Variants in EPHB2 observed in about 807,000 individuals in gnomAD.
EPHB2 encodes ephrin type-B receptor 2.
EPHB2 carries 18 observed loss-of-function variants against 96.4 expected under a neutral mutation model. The observed-to-expected ratio is 0.19, with a 90% CI of 0.13 to 0.28. The LOEUF (loss-of-function observed/expected upper bound fraction) is 0.28, where lower values mean the gene tolerates loss of function less well. Ranked by LOEUF, EPHB2 falls within the 10% of genes least tolerant of loss-of-function variation. The pLI, the probability that EPHB2 is intolerant of heterozygous loss-of-function variation, is 1.00. For synonymous variants in EPHB2, 506 were observed against 534.1 expected, an observed-to-expected ratio of 0.95 and a Z score of 0.72; for missense variants, 989 against 1,355.4, an observed-to-expected ratio of 0.73 and a Z score of 4.25.
intron 3 of EPHB2, among the ~76,000 whole-genome samples, chr1:22,810,032 G>A (rs1644980910): frequency 6.6e-6 from 1 of 152,182 alleles, no homozygotes; most frequent in African/African-American, 2.4e-5. Context: ...TGGGTCAAAG[G>A]GCATTCCAGG....
At chr1:22,892,804 A>C (rs1639430385) in intron 6 of EPHB2, 80 bp from the exon 7 acceptor site, 1 of 1,565,522 alleles carries the variant, frequency 6.4e-7, no homozygotes, top group African/African-American at 1.4e-5. Context: ...ACCTGCCCCC[A>C]ATGTGGCAGG....
chr1:22,854,235 G>A (rs1466296943), intron 3 of EPHB2, among the ~76,000 whole-genome samples: 2 of 152,202 alleles, frequency 1.3e-5, no homozygotes, highest in Admixed American at 1.3e-4. Flanking sequence ...CTAAGGCTGG[G>A]CATAGTGGCT....
chr1:22,834,728 C>T (rs1326494012), intron 3 of EPHB2, among the ~76,000 whole-genome samples: 1 of 151,770 alleles, frequency 6.6e-6, no homozygotes, highest in Non-Finnish European at 1.5e-5. Context: ...AGTTTGAGAC[C>T]AGCCTGGCCA....
chr1:22,913,511 C>G lies in EPHB2; in HGVS notation c.2902C>G (p.Leu968Val). Reference sequence around the variant, plus strand: ...TTTGGCTGGCCACCAGAAAAAAATCCTGAACAGTATCCAGGTGATGCGGGC... The same window carrying G: ...TTTGGCTGGCCACCAGAAAAAAATCGTGAACAGTATCCAGGTGATGCGGGC... ...VTLAGHQKKI[L>V]NSIQVMRAQM... Residue 968 changes from leucine to valine, a missense_variant, in exon 16 of 16, where the codon CTG (leucine) becomes GTG (valine). Physicochemically the swap from Leu to Val is conservative, Grantham distance 32. Coordinates refer to ENST00000374630, the MANE Select transcript of EPHB2 (RefSeq NM_017449.5). This position sits in a 1 kb window ranked among gnomAD's most constrained non-coding sequence, Gnocchi z 4.1. 2.5e-6 allele frequency: 4 copies of G among 1,614,226 alleles called. No homozygotes were observed. Among genetic ancestry groups the G allele is most frequent in the Non-Finnish European group, 3.4e-6 (4 of 1,180,042 alleles).
At chr1:22,732,506 A>G (rs889999637) in intron 1 of EPHB2, among the ~76,000 whole-genome samples, 2 of 152,234 alleles carry the variant, frequency 1.3e-5, no homozygotes, top group African/African-American at 4.8e-5. Flanking sequence ...CCATTTCCAT[A>G]TGACCTCATT....
rs71020453 is a variant in EPHB2, at chr1:22,819,205, G to GTCTCTCTCTCTCTCTCTCTCTCTC, written c.811+34151_811+34174dup. ...TCCACAGCCTGGTCGCCCAGCAGATGTCTCTCTCTCTCTCTCTCTCTCTCT... is the reference window on the plus strand; with the variant it reads ...TCCACAGCCTGGTCGCCCAGCAGATGTCTCTCTCTCTCTCTCTCTCTCTCTCTCTCTCTCTCTCTCTCTCTCTCT... On this transcript the variant is annotated intron_variant, in intron 3 of 15. Transcript: ENST00000374630. 9.7e-5 allele frequency among the ~76,000 whole-genome samples: 10 copies of GTCTCTCTCTCTCTCTCTCTCTCTC among 103,468 alleles called. 1 individual carries two copies. Among genetic ancestry groups the GTCTCTCTCTCTCTCTCTCTCTCTC allele is most frequent in the East Asian group, 3.3e-4 (1 of 2,992 alleles). 67.9% of individuals were successfully genotyped at this position (103,468 alleles called of 152,430 possible).
At chr1:22,737,347 T>G (rs1643854109) in intron 1 of EPHB2, among the ~76,000 whole-genome samples, 1 of 152,064 alleles carries the variant, frequency 6.6e-6, no homozygotes, top group South Asian at 2.1e-4. Context: ...AAAATCAAGG[T>G]CAAACAGCTG....
chr1:22,713,083 G>A (rs562674675), intron 1 of EPHB2, among the ~76,000 whole-genome samples: 2 of 152,220 alleles, frequency 1.3e-5, no homozygotes, highest in African/African-American at 2.4e-5. Context: ...GGGCGCTGAC[G>A]TCACAGGAGG....
intron 14 of EPHB2, among the ~76,000 whole-genome samples, chr1:22,911,166 A>C: frequency 6.6e-6 from 1 of 151,696 alleles, no homozygotes; most frequent in Non-Finnish European, 1.5e-5. Context: ...AAATAAATAA[A>C]TAAATAAATA....
intron 1 of EPHB2, among the ~76,000 whole-genome samples, chr1:22,731,293 C>G (rs1453937416): frequency 6.6e-6 from 1 of 152,152 alleles, no homozygotes; most frequent in Non-Finnish European, 1.5e-5. Flanking sequence ...CCACCCCCAT[C>G]AGGACTTGCT....
At position 22,892,922 on chromosome 1, in the gene EPHB2, C is replaced by T. The variant is rs2148566212; in HGVS notation, c.1467C>T (p.Pro489=). The T allele has an allele frequency of 6.2e-7, 1 of 1,614,220 alleles. No individual in the cohort carries two copies. The highest frequency in any genetic ancestry group is 2.2e-5 in the East Asian group (1 of 44,884). The change falls in exon 7 of 16, where the codon CCC becomes CCT. Residue 489 remains proline, a synonymous_variant. Coordinates refer to ENST00000374630, the MANE Select transcript of EPHB2 (RefSeq NM_017449.5). ...SEYNATAIKS[P]TNTVTVQGLK... Reference sequence around the variant, plus strand: ...ACAACGCCACAGCCATAAAAAGCCCCACCAACACGGTCACCGTGCAGGGCC... The same window carrying T: ...ACAACGCCACAGCCATAAAAAGCCCTACCAACACGGTCACCGTGCAGGGCC...
chr1:22,721,496 C>T (rs1643465240), intron 1 of EPHB2, among the ~76,000 whole-genome samples: 1 of 152,138 alleles, frequency 6.6e-6, no homozygotes, highest in Non-Finnish European at 1.5e-5. Context: ...TATAATAGTG[C>T]CCCCAGTAAG....
intron 3 of EPHB2, among the ~76,000 whole-genome samples, chr1:22,829,053 C>T (rs1029367539): frequency 6.6e-6 from 1 of 152,132 alleles, no homozygotes; most frequent in African/African-American, 2.4e-5. Context: ...ATTCAGGTGC[C>T]GTAGTGTCAC....
rs1477941899 is a variant in EPHB2 at position 22,733,205 on chromosome 1, C to G, written c.61+22162C>G. On this transcript the variant is annotated intron_variant, in intron 1 of 15. Transcript: ENST00000374630. This position sits in a 1 kb window ranked among gnomAD's most constrained non-coding sequence, Gnocchi z 4.6. Reference sequence around the variant, plus strand: ...CTGGGATTACAGGTGCCTGCCACCACGCCTGGCTGATTTTTGTATTTTTAG... The same window carrying G: ...CTGGGATTACAGGTGCCTGCCACCAGGCCTGGCTGATTTTTGTATTTTTAG... Among the ~76,000 whole-genome samples, 1 of 152,148 alleles carries G rather than the reference C, an allele frequency of 6.6e-6. No individual in the cohort carries two copies. Among genetic ancestry groups the G allele is most frequent in the Non-Finnish European group, 1.5e-5 (1 of 68,032 alleles).
chr1:22,876,607 C>T (rs1325942538), intron 5 of EPHB2, among the ~76,000 whole-genome samples: 1 of 152,224 alleles, frequency 6.6e-6, no homozygotes, highest in Non-Finnish European at 1.5e-5. Flanking sequence ...CATCTCCTTG[C>T]AGGGGTCACA....
intron 7 of EPHB2, among the ~76,000 whole-genome samples, chr1:22,893,517 C>T (rs10917327): frequency 0.026 from 3,937 of 152,256 alleles, 151 homozygotes; most frequent in African/African-American, 0.082. Context: ...AATGGGAGAT[C>T]GTAACCTGTG....
At chr1:22,831,816 A>G (rs967913983) in intron 3 of EPHB2, among the ~76,000 whole-genome samples, 1 of 152,146 alleles carries the variant, frequency 6.6e-6, no homozygotes, top group African/African-American at 2.4e-5. Flanking sequence ...TCAAGGGCTC[A>G]AGAGGGGCTG....
chr1:22,890,892 C>G (rs1343126921), intron 6 of EPHB2, among the ~76,000 whole-genome samples: 1 of 152,156 alleles, frequency 6.6e-6, no homozygotes, highest in African/African-American at 2.4e-5. Context: ...TTCCTGAGGC[C>G]TCCCCAGGCA....
intron 1 of EPHB2, among the ~76,000 whole-genome samples, chr1:22,776,125 G>A (rs773462953): frequency 8.5e-5 from 13 of 152,120 alleles, no homozygotes; most frequent in Non-Finnish European, 1.5e-4. Context: ...AACCCCTCCA[G>A]GCTCAGCTCT....
Sources: allele counts gnomAD v4.1 joint callset (sites outside exome capture counted in the v4.1 genomes callset), GRCh38; gene constraint gnomAD v4.1.1; non-coding constraint Gnocchi (gnomAD v3.1); transcripts MANE v1.5; gene names NCBI Gene and HGNC (gene_info 2026-07-23, HGNC 2026-07-21).